The following GTF2H1 variants were observed in gnomAD, a reference collection of about 807,000 sequenced individuals.
The protein encoded by GTF2H1 is BTF2 p62.
GTF2H1 carries 16 observed loss-of-function variants against 71.2 expected under a neutral mutation model. The observed-to-expected ratio is 0.22, with a 90% CI of 0.15 to 0.34. The LOEUF is 0.34. Ranked by LOEUF, GTF2H1 falls within the 10% of genes least tolerant of loss-of-function variation. GTF2H1 has a pLI of 1.00. For synonymous variants in GTF2H1, 215 were observed against 219.0 expected, an observed-to-expected ratio of 0.98 and a Z score of 0.16; for missense variants, 498 against 648.2, an observed-to-expected ratio of 0.77 and a Z score of 2.52.
At chr11:18,328,133 G>T (rs573864504) in intron 1 of GTF2H1, among the ~76,000 whole-genome samples, 1 of 151,726 alleles carries the variant, frequency 6.6e-6, no homozygotes, top group Admixed American at 6.6e-5. Context: ...AACTGGGGAG[G>T]CGGAGGTTGC....
In GTF2H1 at chr11:18,366,037, T is replaced by C. The variant is rs575924679; in HGVS notation, c.*168T>C. The C allele has an allele frequency of 6.7e-6, 4 of 592,954 alleles. No individual in the cohort carries two copies. The highest frequency in any genetic ancestry group is 9.0e-6 in the Non-Finnish European group (3 of 332,238). 36.7% of individuals were successfully genotyped at this position (592,954 alleles called of 1,614,324 possible). A position where few individuals can be genotyped will look rare whatever the true frequency, so the allele number is the denominator to read the frequency against. The stretch of plus-strand genomic sequence containing the variant: ...GCTATTGTACTTGCACATTGGAGAC[T>C]GAAAGGAAAGAAGGGACTAAATGCT... On this transcript the variant is annotated 3_prime_UTR_variant, in exon 15 of 15. Coordinates refer to ENST00000265963, the MANE Select transcript of GTF2H1 (RefSeq NM_005316.4).
chr11:18,353,806 G>A (rs1362232626), intron 11 of GTF2H1, among the ~76,000 whole-genome samples: 4 of 152,078 alleles, frequency 2.6e-5, no homozygotes, highest in Admixed American at 1.3e-4. Flanking sequence ...AAGGTTACAG[G>A]CATAATTTCC....
chr11:18,334,576 C>T (rs760216180), intron 2 of GTF2H1, among the ~76,000 whole-genome samples: 1 of 152,200 alleles, frequency 6.6e-6, no homozygotes, highest in Non-Finnish European at 1.5e-5. Context: ...GTATGCCCAT[C>T]TCCAATTTCT....
chr11:18,353,518 C>A (rs1865474662), intron 11 of GTF2H1, among the ~76,000 whole-genome samples: 1 of 152,208 alleles, frequency 6.6e-6, no homozygotes, highest in African/African-American at 2.4e-5. Context: ...TATGCTCTTT[C>A]TCTTTAGAAT....
intron 14 of GTF2H1, among the ~76,000 whole-genome samples, chr11:18,363,866 A>G (rs964853501): frequency 6.6e-6 from 1 of 152,088 alleles, no homozygotes; most frequent in East Asian, 1.9e-4. Flanking sequence ...TGAGGTCAAG[A>G]GTTCGAGACC....
intron 13 of GTF2H1, 99 bp from the exon 14 acceptor site, chr11:18,360,516 T>C (rs1865670866): frequency 1.7e-6 from 1 of 587,918 alleles, no homozygotes; most frequent in African/African-American, 2.0e-5. Context: ...TTAAAAAAAT[T>C]CTACAAGAAA....
Position 18,329,017 on chromosome 11 carries a change from T to C in GTF2H1, c.-15-4043T>C, listed in dbSNP as rs530090389. The stretch of plus-strand genomic sequence containing the variant: ...TTGTGATCCTTTATCATATTTGATA[T>C]ATGGATATCAAAATGGGATTGTAAG... On this transcript the variant is annotated intron_variant, in intron 1 of 14. Coordinates refer to ENST00000265963, the MANE Select transcript of GTF2H1 (RefSeq NM_005316.4). Among the ~76,000 whole-genome samples, 72 of 152,298 alleles carry C rather than the reference T, an allele frequency of 4.7e-4. 1 individual carries two copies. The South Asian group carries it at 0.015, about 32-fold the overall frequency.
Position 18,347,855 on chromosome 11 carries a change from G to T in GTF2H1, c.989G>T (p.Ser330Ile). ...RKQEAQNEQT[S>I]EPSNMDGNSG... ...AGAGAAGCACAAAATGAACAAACTA[G>T]TGAGCCCAGCAACATGGATGGAAAT... Residue 330 changes from serine (S) to isoleucine (I), a missense_variant, in exon 9 of 15, where the codon AGT becomes ATT. Around this residue, in one of 3 missense-constraint regions of GTF2H1, gnomAD observed 266 missense variants for 301.6 expected, o/e 0.88. Transcript: ENST00000265963. 1 of 1,611,320 alleles carries T rather than the reference G, an allele frequency of 6.2e-7. No homozygotes were observed. The highest frequency in any genetic ancestry group is 1.1e-5 in the South Asian group (1 of 90,568).
At chr11:18,327,874 C>T (rs1460332851) in intron 1 of GTF2H1, among the ~76,000 whole-genome samples, 1 of 152,194 alleles carries the variant, frequency 6.6e-6, no homozygotes, top group Non-Finnish European at 1.5e-5. Flanking sequence ...TAGACGTGAG[C>T]CACCCTGCCC....
At chr11:18,344,709 A>G (rs1345941028) in intron 7 of GTF2H1, among the ~76,000 whole-genome samples, 1 of 152,228 alleles carries the variant, frequency 6.6e-6, no homozygotes, top group African/African-American at 2.4e-5. Flanking sequence ...TGAGCTTAGA[A>G]TAAAATCAAA....
intron 7 of GTF2H1, among the ~76,000 whole-genome samples, chr11:18,342,593 A>T (rs4150610): frequency 1.3e-5 from 2 of 151,966 alleles, no homozygotes; most frequent in African/African-American, 4.8e-5. Flanking sequence ...TTGATCATAC[A>T]GTGAGTTTTT....
At chr11:18,358,907 G>C (rs973571537) in intron 13 of GTF2H1, among the ~76,000 whole-genome samples, 6 of 152,092 alleles carry the variant, frequency 3.9e-5, no homozygotes, top group Non-Finnish European at 5.9e-5. Flanking sequence ...ACTGTGAATA[G>C]AGACCCAAAA....
intron 14 of GTF2H1, among the ~76,000 whole-genome samples, chr11:18,363,202 A>G (rs1033080331): frequency 2.0e-5 from 3 of 152,152 alleles, no homozygotes; most frequent in African/African-American, 4.8e-5. Context: ...GCGTACGGCT[A>G]TTTTACAGTT....
At chr11:18,345,789 C>T (rs566863382) in intron 7 of GTF2H1, among the ~76,000 whole-genome samples, 17 of 103,848 alleles carry the variant, frequency 1.6e-4, no homozygotes, top group African/African-American at 5.4e-4. Context: ...ACACCCAGCA[C>T]ATATGAGTTT....
intron 14 of GTF2H1, among the ~76,000 whole-genome samples, chr11:18,361,707 C>T (rs1006220736): frequency 6.6e-6 from 1 of 152,138 alleles, no homozygotes; most frequent in Non-Finnish European, 1.5e-5. Context: ...CTGAAAAATA[C>T]ATATTACTAA....
chr11:18,347,088 G>A (rs935639835), intron 7 of GTF2H1: 4 of 150,904 alleles, frequency 2.7e-5, no homozygotes, highest in African/African-American at 9.7e-5. Context: ...AAAGAGAAAT[G>A]CAGACCACGC....
At chr11:18,340,910 A>G (rs4150599) in intron 5 of GTF2H1, among the ~76,000 whole-genome samples, 6,302 of 152,276 alleles carry the variant, frequency 0.041, 304 homozygotes, top group East Asian at 0.26. Context: ...TGAGATCATT[A>G]TTACCCCACA....
Position 18,326,562 on chromosome 11 carries a change from G to A in GTF2H1, c.-16+3822G>A, listed in dbSNP as rs114512360. Among the ~76,000 whole-genome samples the A allele has an allele frequency of 5.1e-4, 78 of 151,678 alleles. 1 individual carries two copies. The highest frequency in any genetic ancestry group is 1.8e-3 in the African/African-American group (75 of 41,382). On this transcript the variant is annotated intron_variant, in intron 1 of 14. Coordinates refer to ENST00000265963, the MANE Select transcript of GTF2H1 (RefSeq NM_005316.4). ...ATGTTTTTCCCAGTTGCTGTAGTCA[G>A]TTCTGTCTCATGATGTATTCTCCAC...
At chr11:18,326,166 A>G (rs1009076208) in intron 1 of GTF2H1, 2 of 152,362 alleles carry the variant, frequency 1.3e-5, no homozygotes, top group African/African-American at 4.8e-5. Flanking sequence ...AATTTATCTC[A>G]GATTTATTTT....
Sources: gnomAD v4.1 joint callset for allele counts (sites outside exome capture counted in the v4.1 genomes callset) on GRCh38, gnomAD v4.1.1 for gene constraint, gnomAD v4.1.1 regional missense constraint, MANE v1.5 for transcripts, NCBI Gene and HGNC (gene_info 2026-07-23, HGNC 2026-07-21) for gene names.